SLC25A13: variants seen among roughly 807,000 people sequenced by gnomAD.
The protein encoded by SLC25A13 is electrogenic aspartate/glutamate antiporter SLC25A13, mitochondrial.
In SLC25A13, 70 loss-of-function variants were observed where a neutral mutation model predicts 85.5. The observed-to-expected ratio is 0.82, with a 90% CI of 0.68 to 1.00. SLC25A13 has a LOEUF of 1.00. SLC25A13 is among the 50% of genes least tolerant of loss of function. The probability of loss-of-function intolerance (pLI) is 0.00; values close to 1 mark genes in which losing one functional copy is unlikely to be tolerated. For missense variants in SLC25A13, 765 were observed against 819.8 expected (o/e 0.93, Z 0.82); for synonymous variants, 259 against 288.7 (o/e 0.90, Z 1.04).
At chr7:96,252,260 C>T (rs1205235105) in intron 3 of SLC25A13, among the ~76,000 whole-genome samples, 5 of 151,948 alleles carry the variant, frequency 3.3e-5, no homozygotes, top group African/African-American at 4.8e-5. Context: ...GGAGTACTGA[C>T]GATACATATA....
At chr7:96,290,569 G>T (rs1223421870) in intron 2 of SLC25A13, among the ~76,000 whole-genome samples, 3 of 150,964 alleles carry the variant, frequency 2.0e-5, no homozygotes, top group African/African-American at 7.3e-5. Flanking sequence ...CAAAATAAAG[G>T]GATGGAGGAA....
intron 9 of SLC25A13, among the ~76,000 whole-genome samples, chr7:96,187,178 T>C (rs534889752): frequency 6.6e-6 from 1 of 152,358 alleles, no homozygotes; most frequent in East Asian, 1.9e-4. Context: ...GGGTGACATA[T>C]AGTCAGTGCT....
chr7:96,270,755 A>G (rs1218287106), intron 3 of SLC25A13, among the ~76,000 whole-genome samples: 4 of 152,158 alleles, frequency 2.6e-5, no homozygotes, highest in Non-Finnish European at 5.9e-5. Context: ...TCCCATAATA[A>G]CACAACAAAA....
intron 13 of SLC25A13, among the ~76,000 whole-genome samples, chr7:96,166,405 A>C (rs1326218970): frequency 6.6e-6 from 1 of 152,198 alleles, no homozygotes; most frequent in African/African-American, 2.4e-5. Flanking sequence ...TCATACTTTC[A>C]TGACTTTCTT....
chr7:96,167,599 C>T (rs1477096087), intron 13 of SLC25A13, among the ~76,000 whole-genome samples: 1 of 152,130 alleles, frequency 6.6e-6, no homozygotes, highest in African/African-American at 2.4e-5. Flanking sequence ...GGTGAGCTCC[C>T]CAGGGACTTA....
chr7:96,187,623 G>C (rs1378578592), intron 9 of SLC25A13, among the ~76,000 whole-genome samples: 1 of 152,122 alleles, frequency 6.6e-6, no homozygotes, highest in Non-Finnish European at 1.5e-5. Flanking sequence ...AGGGTGGGGG[G>C]AGGAGGGACC....
At chr7:96,133,473 T>A (rs1200056308) in intron 14 of SLC25A13, among the ~76,000 whole-genome samples, 2 of 152,156 alleles carry the variant, frequency 1.3e-5, no homozygotes, top group Non-Finnish European at 2.9e-5. Context: ...ACCCTGGAGG[T>A]AGTTCCAGAG....
At chr7:96,147,213 G>A (rs1486647572) in intron 13 of SLC25A13, among the ~76,000 whole-genome samples, 4 of 152,080 alleles carry the variant, frequency 2.6e-5, no homozygotes, top group East Asian at 3.8e-4. Context: ...CAGCGAACAC[G>A]TAAACTTAGA....
At chr7:96,321,527 C>T (rs1404314325) in intron 1 of SLC25A13, among the ~76,000 whole-genome samples, 2 of 152,216 alleles carry the variant, frequency 1.3e-5, no homozygotes, top group Non-Finnish European at 2.9e-5. Flanking sequence ...GGCTCTGGCC[C>T]CTGGAAGAAG....
At chr7:96,240,107 T>G (rs940801356) in intron 3 of SLC25A13, among the ~76,000 whole-genome samples, 11 of 152,292 alleles carry the variant, frequency 7.2e-5, no homozygotes, top group Admixed American at 3.9e-4. Flanking sequence ...TTGCAAGGGA[T>G]AGCACTTAGC....
At chr7:96,230,623 A>C (rs1309098549) in intron 4 of SLC25A13, among the ~76,000 whole-genome samples, 1 of 152,216 alleles carries the variant, frequency 6.6e-6, no homozygotes, top group Non-Finnish European at 1.5e-5. Flanking sequence ...ATATCTCAAG[A>C]TACTTATAAA....
chr7:96,282,716 A>C (rs575923121), intron 2 of SLC25A13, among the ~76,000 whole-genome samples: 1 of 152,348 alleles, frequency 6.6e-6, no homozygotes, highest in East Asian at 1.9e-4. Context: ...AATCAGAAAA[A>C]AATGTATAAA....
intron 17 of SLC25A13, 57 bp downstream of exon 17, chr7:96,121,598 G>A (rs182964818): frequency 1.0e-5 from 16 of 1,537,360 alleles, no homozygotes; most frequent in Admixed American, 1.7e-5. Context: ...CTTTCCCTAC[G>A]ACAACAGAGC....
chr7:96,146,407 T>C (rs376434636), intron 14 of SLC25A13, 149 bp downstream of exon 14: 25 of 943,248 alleles, frequency 2.7e-5, no homozygotes, highest in Middle Eastern at 3.3e-4. Context: ...CTCCTTCTAA[T>C]TGGCATGAAG....
chr7:96,300,120 A>G (rs1336006521), intron 1 of SLC25A13, among the ~76,000 whole-genome samples: 14 of 152,198 alleles, frequency 9.2e-5, no homozygotes. Context: ...GTGATTAAGG[A>G]CATGATCTTA....
intron 14 of SLC25A13, among the ~76,000 whole-genome samples, chr7:96,132,512 T>C (rs1313076336): frequency 6.6e-6 from 1 of 152,164 alleles, no homozygotes; most frequent in Non-Finnish European, 1.5e-5. Context: ...TCGGATACAT[T>C]TTAAAGCTGT....
intron 2 of SLC25A13, among the ~76,000 whole-genome samples, chr7:96,293,184 T>A (rs530779556): frequency 6.6e-6 from 1 of 152,306 alleles, no homozygotes; most frequent in East Asian, 1.9e-4. Flanking sequence ...TGGGGAAGGA[T>A]TCCCTATTTA....
chr7:96,151,774 C>G (rs560991951), intron 13 of SLC25A13, among the ~76,000 whole-genome samples: 28 of 151,818 alleles, frequency 1.8e-4, no homozygotes, highest in African/African-American at 6.5e-4. Context: ...TAAACCCCAT[C>G]TCTACTAAAA....
intron 3 of SLC25A13, among the ~76,000 whole-genome samples, chr7:96,251,766 A>T (rs1451011490): frequency 6.6e-6 from 1 of 152,336 alleles, no homozygotes; most frequent in East Asian, 1.9e-4. Flanking sequence ...CTTGGAAAGA[A>T]AATAAAAGTG....
Sources: allele counts gnomAD v4.1 joint callset (sites outside exome capture counted in the v4.1 genomes callset), GRCh38; gene constraint gnomAD v4.1.1; transcripts MANE v1.5; gene names NCBI Gene and HGNC (gene_info 2026-07-23, HGNC 2026-07-21).